The following CPT1A variants were observed in gnomAD, a reference collection of about 807,000 sequenced individuals.
CPT1A encodes the protein carnitine O-palmitoyltransferase 1, liver isoform.
Under a neutral mutation model 100.8 loss-of-function variants are expected in CPT1A, and 64 were observed. That is an observed-to-expected ratio of 0.63 (90% CI 0.52 to 0.78). The LOEUF is 0.78. Ranked by LOEUF, CPT1A falls within the 30% of genes least tolerant of loss-of-function variation. The probability of loss-of-function intolerance (pLI) is 0.00; values close to 1 mark genes in which losing one functional copy is unlikely to be tolerated. For missense variants in CPT1A, 802 were observed against 1,034.1 expected (o/e 0.78, Z 3.08); for synonymous variants, 363 against 396.0 (o/e 0.92, Z 0.99).
chr11:68,808,340 A>T (rs933959802), intron 3 of CPT1A, among the ~76,000 whole-genome samples: 16 of 152,232 alleles, frequency 1.1e-4, no homozygotes, highest in African/African-American at 3.6e-4. Flanking sequence ...TATTATGGTA[A>T]AGATGGGACT....
chr11:68,794,536 G>A (rs970519353), intron 8 of CPT1A, among the ~76,000 whole-genome samples: 2 of 152,082 alleles, frequency 1.3e-5, no homozygotes, highest in African/African-American at 4.8e-5. Flanking sequence ...TCGGCCTCCC[G>A]AGTAGCTGGG....
intron 13 of CPT1A, among the ~76,000 whole-genome samples, chr11:68,774,781 CAAAAAA>C (rs1169875761): frequency 5.5e-5 from 3 of 54,306 alleles, no homozygotes; most frequent in Middle Eastern, 9.4e-3. Flanking sequence ...GACTACATCT[CAAAAAA>C]AAAAAAAAAA....
At chr11:68,791,253 C>G (rs1458807961) in intron 9 of CPT1A, among the ~76,000 whole-genome samples, 1 of 152,218 alleles carries the variant, frequency 6.6e-6, no homozygotes, top group African/African-American at 2.4e-5. Context: ...CAGCAGGTGA[C>G]AGCCTCCCCA....
Position 68,759,088 on chromosome 11 carries a change from C to A in CPT1A, c.2235+481G>T, listed in dbSNP as rs554201101. Among the ~76,000 whole-genome samples the A allele has an allele frequency of 1.2e-3, 177 of 151,552 alleles. 1 individual carries two copies. The highest frequency in any genetic ancestry group is 6.2e-4 in the Non-Finnish European group (42 of 67,858). On this transcript the variant is annotated intron_variant, in intron 18 of 18. Coordinates refer to ENST00000265641, the MANE Select transcript of CPT1A (RefSeq NM_001876.4). ...TGTGGGGAGACCCTGTCTGTACAAA[C>A]AATTTTTTAATTAAAAAAATTTAGG...
chr11:68,823,575 G>A (rs1397011593), intron 1 of CPT1A, among the ~76,000 whole-genome samples: 3 of 151,570 alleles, frequency 2.0e-5, no homozygotes, highest in Admixed American at 1.3e-4. Flanking sequence ...GATCAACTGA[G>A]GTCAGGAGTT....
Position 68,773,515 on chromosome 11 carries a change from T to C in CPT1A, c.1576-86A>G, listed in dbSNP as rs573225909. On this transcript the variant is annotated intron_variant, in intron 13 of 18. Transcript: ENST00000265641. ...CAGAAGGAAATTGGAGGCTGGTTTT[T>C]AGTGCAGCTATAAACTCGGTACTGG... 20 of 1,597,692 alleles carry C rather than the reference T, an allele frequency of 1.3e-5. No individual in the cohort carries two copies. In the East Asian group the frequency reaches 3.6e-4, roughly 29 times the overall value.
At chr11:68,779,948 C>T (rs1451501461) in intron 12 of CPT1A, among the ~76,000 whole-genome samples, 1 of 152,148 alleles carries the variant, frequency 6.6e-6, no homozygotes, top group African/African-American at 2.4e-5. Flanking sequence ...CAGATTTTCA[C>T]ATGCTTGCTT....
chr11:68,823,883 C>T (rs191632760), intron 1 of CPT1A, among the ~76,000 whole-genome samples: 1 of 152,188 alleles, frequency 6.6e-6, no homozygotes, highest in African/African-American at 2.4e-5. Flanking sequence ...CACTCAGAAA[C>T]AGAAAACCAA....
intron 7 of CPT1A, among the ~76,000 whole-genome samples, chr11:68,795,552 T>C (rs1033092375): frequency 1.3e-5 from 2 of 152,084 alleles, no homozygotes; most frequent in African/African-American, 4.8e-5. Context: ...TTTGAGATTA[T>C]TTCAGATGGG....
chr11:68,783,168 C>T (rs2153998135), intron 10 of CPT1A, among the ~76,000 whole-genome samples: 1 of 152,248 alleles, frequency 6.6e-6, no homozygotes, highest in African/African-American at 2.4e-5. Context: ...AGGCCTGGCC[C>T]TCTTTCAGGC....
intron 18 of CPT1A, among the ~76,000 whole-genome samples, chr11:68,757,997 G>A (rs746168260): frequency 4.6e-5 from 7 of 152,170 alleles, no homozygotes; most frequent in Non-Finnish European, 8.8e-5. Flanking sequence ...AAAACACAAT[G>A]ACCATCCTGA....
intron 1 of CPT1A, among the ~76,000 whole-genome samples, chr11:68,837,500 G>A (rs1448748952): frequency 6.6e-6 from 1 of 152,204 alleles, no homozygotes; most frequent in African/African-American, 2.4e-5. Flanking sequence ...TGTGGGGAGA[G>A]AATAGGGACG....
chr11:68,797,011 C>T (rs907862949), intron 6 of CPT1A, 78 bp from the exon 7 acceptor site: 56 of 1,407,320 alleles, frequency 4.0e-5, no homozygotes, highest in Admixed American at 1.4e-4. Flanking sequence ...CCCAGAGCCG[C>T]GGGGAAGGGC....
At chr11:68,817,143 GTGTGTGTGTC>G (rs1328444303) in intron 1 of CPT1A, among the ~76,000 whole-genome samples, 1 of 130,704 alleles carries the variant, frequency 7.7e-6, no homozygotes, top group Non-Finnish European at 1.6e-5. Flanking sequence ...TTGTGTGGGG[GTGTGTGTGTC>G]TGTGTGTGTG....
intron 3 of CPT1A, among the ~76,000 whole-genome samples, chr11:68,808,431 G>C (rs575425818): frequency 1.5e-4 from 22 of 151,566 alleles, no homozygotes; most frequent in Non-Finnish European, 2.9e-4. Context: ...GAGTGCAATG[G>C]TGTGACCTTG....
intron 1 of CPT1A, among the ~76,000 whole-genome samples, chr11:68,818,973 C>G (rs545924151): frequency 1.3e-5 from 2 of 152,332 alleles, no homozygotes; most frequent in South Asian, 4.1e-4. Context: ...GCAGCAAGAT[C>G]ACCAAGCAGA....
intron 18 of CPT1A, among the ~76,000 whole-genome samples, chr11:68,759,261 G>A (rs2153994666): frequency 6.6e-6 from 1 of 151,876 alleles, no homozygotes; most frequent in Non-Finnish European, 1.5e-5. Flanking sequence ...CCGGGGTAGT[G>A]GCGGGTGCCT....
chr11:68,839,548 G>A (rs887896434), intron 1 of CPT1A: 1 of 985,370 alleles, frequency 1.0e-6, no homozygotes, highest in African/African-American at 1.7e-5. Flanking sequence ...GAAATGCAAC[G>A]CACCTCTCCG....
chr11:68,839,640 G>T (rs1378346897), intron 1 of CPT1A: 1 of 985,372 alleles, frequency 1.0e-6, no homozygotes, highest in African/African-American at 1.7e-5. Flanking sequence ...TGCATCCAAC[G>T]AGCCAGAAAC....
Sources: gnomAD v4.1 joint callset for allele counts (sites outside exome capture counted in the v4.1 genomes callset) on GRCh38, gnomAD v4.1.1 for gene constraint, MANE v1.5 for transcripts, NCBI Gene and HGNC (gene_info 2026-07-23, HGNC 2026-07-21) for gene names.